ANKRD44: variants seen among roughly 807,000 people sequenced by gnomAD.
ANKRD44 encodes the protein serine/threonine-protein phosphatase 6 regulatory ankyrin repeat subunit B.
In ANKRD44, 35 loss-of-function variants were observed where a neutral mutation model predicts 116.0. The ratio of observed to expected loss-of-function variants is 0.30; its 90% CI spans 0.23 to 0.40. The LOEUF is 0.40. Among genes scored for constraint, ANKRD44 ranks in the 10% least tolerant of loss-of-function variants. The probability of loss-of-function intolerance (pLI) is 1.00; values close to 1 mark genes in which losing one functional copy is unlikely to be tolerated. For missense variants in ANKRD44, 1,014 were observed against 1,242.6 expected (o/e 0.82, Z 2.77); for synonymous variants, 435 against 461.8 (o/e 0.94, Z 0.74).
chr2:197,030,619 CCT>C (rs2076687067), intron 16 of ANKRD44, among the ~76,000 whole-genome samples: 1 of 152,164 alleles, frequency 6.6e-6, no homozygotes, highest in African/African-American at 2.4e-5. Flanking sequence ...GAGGCAGCCC[CCT>C]GACAGTCCAG....
intron 9 of ANKRD44, among the ~76,000 whole-genome samples, chr2:197,108,841 AAACAACAAC>A (rs138617040): frequency 1.4e-4 from 21 of 150,040 alleles, no homozygotes; most frequent in African/African-American, 2.0e-4. Flanking sequence ...GTGTCTTAAA[AAACAACAAC>A]AACAACAACA....
At chr2:197,238,603 T>C (rs915790750) in intron 1 of ANKRD44, among the ~76,000 whole-genome samples, 10 of 152,102 alleles carry the variant, frequency 6.6e-5, no homozygotes, top group African/African-American at 2.4e-4. Context: ...TCAAGAAAGA[T>C]ATATATATAT....
intron 4 of ANKRD44, among the ~76,000 whole-genome samples, chr2:197,126,750 G>C (rs1045526608): frequency 2.0e-5 from 3 of 148,434 alleles, no homozygotes; most frequent in Non-Finnish European, 3.0e-5. Flanking sequence ...CTCTAACGAA[G>C]AAAAAAAAAA....
chr2:197,250,474 T>C (rs2082290920), intron 1 of ANKRD44, among the ~76,000 whole-genome samples: 1 of 152,108 alleles, frequency 6.6e-6, no homozygotes, highest in Admixed American at 6.5e-5. Flanking sequence ...CCTTCATTCA[T>C]TCATCCCGAG....
intron 10 of ANKRD44, among the ~76,000 whole-genome samples, chr2:197,090,478 C>CT (rs1327849542): frequency 8.1e-5 from 12 of 147,780 alleles, no homozygotes; most frequent in Non-Finnish European, 1.6e-4. Flanking sequence ...TGTTTCCTTT[C>CT]TTTTTTTTCT....
At chr2:197,099,147 C>T (rs2078231920) in intron 10 of ANKRD44, among the ~76,000 whole-genome samples, 1 of 152,126 alleles carries the variant, frequency 6.6e-6, no homozygotes, top group Non-Finnish European at 1.5e-5. Flanking sequence ...TTTGAGCTCT[C>T]TCCTCCCTGT....
At chr2:197,020,952 C>T (rs1011597672) in intron 17 of ANKRD44, among the ~76,000 whole-genome samples, 2 of 152,090 alleles carry the variant, frequency 1.3e-5, no homozygotes, top group African/African-American at 2.4e-5. Flanking sequence ...TCCTCCCTCC[C>T]CCCATCCCAC....
At chr2:197,295,059 A>G (rs1272790829) in intron 1 of ANKRD44, among the ~76,000 whole-genome samples, 4 of 152,236 alleles carry the variant, frequency 2.6e-5, no homozygotes, top group African/African-American at 7.2e-5. Context: ...AGTACAAACA[A>G]AACTATTGTT....
chr2:197,164,250 TG>T (rs1480599229), intron 2 of ANKRD44, among the ~76,000 whole-genome samples: 1 of 152,192 alleles, frequency 6.6e-6, no homozygotes, highest in Non-Finnish European at 1.5e-5. Context: ...GCCTGGCCTC[TG>T]ACACCGCCGG....
rs1467933139 is a variant in ANKRD44, at chr2:197,159,415, TGACTGTGTTTCAA to T, written c.112-12323_112-12311del. ...GGCATTCCTCACTTTCTACTTTGTT[TGACTGTGTTTCAA>T]GACTTGCAGTTTACAAACAAGAAAA... On this transcript the variant is annotated intron_variant, in intron 2 of 27. Transcript: ENST00000282272. Among the ~76,000 whole-genome samples the T allele has an allele frequency of 1.5e-4, 23 of 152,358 alleles. No homozygotes were observed. In the East Asian group the frequency reaches 4.4e-3, roughly 29 times the overall value.
chr2:197,236,405 T>C (rs536369362), intron 1 of ANKRD44, among the ~76,000 whole-genome samples: 185 of 152,146 alleles, frequency 1.2e-3, no homozygotes, highest in Non-Finnish European at 2.1e-3. Flanking sequence ...AATTAGCAAA[T>C]GGTAGAGCCC....
At position 196,995,386 on chromosome 2, in the gene ANKRD44, G is replaced by T; in HGVS notation, c.2824C>A (p.Leu942Met). Residue 942 changes from leucine (L) to methionine (M), a missense_variant, in exon 26 of 28, where the codon CTG becomes ATG. By Grantham distance (15) the Leu-to-Met change is conservative. Transcript: ENST00000282272. ...TTTAGTAGTTACACTTACGTCTGCA[G>T]TGCATTATTTTTTTCATTAATAAGG... ...ESLINEKNNA[L>M]QTPLHVAARN... 6.2e-7 allele frequency: 1 copy of T among 1,611,034 alleles called. No individual in the cohort carries two copies. Among genetic ancestry groups the T allele is most frequent in the Middle Eastern group, 1.7e-4 (1 of 6,050 alleles).
At chr2:197,243,438 T>C (rs926395497) in intron 1 of ANKRD44, among the ~76,000 whole-genome samples, 4 of 151,968 alleles carry the variant, frequency 2.6e-5, no homozygotes, top group African/African-American at 7.3e-5. Flanking sequence ...ATTTTGTATG[T>C]GTTAACTGAA....
At chr2:196,990,161 A>C in intron 27 of ANKRD44, 1 of 986,140 alleles carries the variant, frequency 1.0e-6, no homozygotes, top group Non-Finnish European at 1.2e-6. Context: ...TGGACTCTCT[A>C]AAAAGATTAT....
Position 197,310,690 on chromosome 2 carries a change from A to G in ANKRD44, c.-86T>C. On this transcript the variant is annotated 5_prime_UTR_variant, in exon 1 of 28. Transcript: ENST00000282272. ...AGCCGGGGAAGCGGAAGGGATTGCC[A>G]GGAGAAGGGAAAAAATCTGGCTCCC... 1.6e-6 allele frequency: 2 copies of G among 1,247,268 alleles called. No homozygotes were observed. Among genetic ancestry groups the G allele is most frequent in the Non-Finnish European group, 2.1e-6 (2 of 969,524 alleles). 77.3% of individuals were successfully genotyped at this position (1,247,268 alleles called of 1,614,324 possible).
intron 2 of ANKRD44, among the ~76,000 whole-genome samples, chr2:197,170,331 A>G (rs2080203322): frequency 6.6e-6 from 1 of 152,224 alleles, no homozygotes; most frequent in South Asian, 2.1e-4. Flanking sequence ...CTTGTAAATC[A>G]CTAAAATACA....
At chr2:197,244,277 G>A (rs1024488661) in intron 1 of ANKRD44, among the ~76,000 whole-genome samples, 45 of 152,312 alleles carry the variant, frequency 3.0e-4, no homozygotes, top group Middle Eastern at 3.4e-3. Context: ...AAGCAACTAC[G>A]TATAGTGTAA....
rs1378101171 is a variant in ANKRD44, at chr2:197,203,013, A to T, written c.28-15907T>A. On this transcript the variant is annotated intron_variant, in intron 1 of 27. Transcript: ENST00000282272. The surrounding 1 kb of genome is among the most constrained non-coding windows in gnomAD (Gnocchi z 4.1). ...AGGTAGTGTTAGGGATGCAAATCCT[A>T]GCACAAGCGCTTGCAAAGGCTCTCC... 6.6e-6 allele frequency among the ~76,000 whole-genome samples: 1 copy of T among 152,144 alleles called. No individual in the cohort carries two copies. Among genetic ancestry groups the T allele is most frequent in the East Asian group, 1.9e-4 (1 of 5,200 alleles).
At chr2:197,157,167 ACG>A (rs2079838680) in intron 2 of ANKRD44, among the ~76,000 whole-genome samples, 1 of 69,828 alleles carries the variant, frequency 1.4e-5, no homozygotes, top group African/African-American at 3.2e-5. Flanking sequence ...TCTCACTCTT[ACG>A]TAAAGTAAAA....
Sources: allele counts gnomAD v4.1 joint callset (sites outside exome capture counted in the v4.1 genomes callset), GRCh38; gene constraint gnomAD v4.1.1; non-coding constraint Gnocchi (gnomAD v3.1); transcripts MANE v1.5; gene names NCBI Gene and HGNC (gene_info 2026-07-23, HGNC 2026-07-21).